ADAM10: variants seen among roughly 807,000 people sequenced by gnomAD.
ADAM10 encodes disintegrin and metalloproteinase domain-containing protein 10.
ADAM10 carries 17 observed loss-of-function variants against 90.1 expected under a neutral mutation model. That is an observed-to-expected ratio of 0.19 (90% CI 0.13 to 0.28). The LOEUF (loss-of-function observed/expected upper bound fraction) is 0.28. ADAM10 is among the 10% of genes least tolerant of loss of function. The pLI is 1.00. For synonymous variants in ADAM10, 310 were observed against 298.6 expected, an observed-to-expected ratio of 1.04 and a Z score of -0.40; for missense variants, 610 against 914.3, an observed-to-expected ratio of 0.67 and a Z score of 4.29.
chr15:58,610,764 T>C lies in ADAM10; in HGVS notation c.1804+235A>G, dbSNP rs1322303605. ...ATGACTTAAAGTCTAACAGTGTTTA[T>C]GTAAATTACTGCTGTAAAGCTGGCA... On this transcript the variant is annotated intron_variant, in intron 13 of 15. Transcript: ENST00000260408. 18 of 633,094 alleles carry C rather than the reference T, an allele frequency of 2.8e-5. No individual in the cohort carries two copies. The East Asian group carries it at 4.4e-4, about 15-fold the overall frequency. The allele number at this position is 633,094 out of a possible 1,614,324, so 39.2% of individuals were successfully genotyped here.
chr15:58,623,492 T>C (rs901607055), intron 10 of ADAM10, among the ~76,000 whole-genome samples: 2 of 152,232 alleles, frequency 1.3e-5, no homozygotes, highest in Non-Finnish European at 2.9e-5. Flanking sequence ...TGTTTCACTT[T>C]AAACCATCTC....
At chr15:58,698,406 TA>T (rs56797082) in intron 2 of ADAM10, 8,438 of 200,552 alleles carry the variant, frequency 0.042, no homozygotes, top group South Asian at 0.077. Flanking sequence ...ACCCCATCTC[TA>T]AAAAAAAAAA....
At chr15:58,731,943 A>ATAGG (rs1408615637) in intron 1 of ADAM10, among the ~76,000 whole-genome samples, 3 of 152,224 alleles carry the variant, frequency 2.0e-5, no homozygotes, top group African/African-American at 2.4e-5. Flanking sequence ...GTTCACTGTA[A>ATAGG]CCTAGACCAG....
intron 11 of ADAM10, among the ~76,000 whole-genome samples, chr15:58,612,376 G>T (rs1179896209): frequency 1.3e-5 from 2 of 152,110 alleles, no homozygotes; most frequent in Non-Finnish European, 2.9e-5. Flanking sequence ...AATATCAGTG[G>T]CTGAACTGGG....
chr15:58,683,777 T>C (rs1333954007), intron 2 of ADAM10, among the ~76,000 whole-genome samples: 1 of 145,944 alleles, frequency 6.9e-6, no homozygotes, highest in Non-Finnish European at 1.5e-5. Context: ...AGAGAACTGC[T>C]TGAATCTGGG....
chr15:58,597,226 G>T lies in ADAM10; in HGVS notation c.*321C>A, dbSNP rs1438444037. On this transcript the variant is annotated 3_prime_UTR_variant, in exon 16 of 16. Transcript: ENST00000260408. Reference sequence around the variant, plus strand: ...TAAAAGTTTATTGAGAGCCAAGTTTGCCTGCAAGTGAAGAAAATGCAGCAA... The same window carrying T: ...TAAAAGTTTATTGAGAGCCAAGTTTTCCTGCAAGTGAAGAAAATGCAGCAA... The T allele has an allele frequency of 2.8e-6, 2 of 724,166 alleles. No individual in the cohort carries two copies. 44.9% of individuals were successfully genotyped at this position (724,166 alleles called of 1,614,324 possible).
rs552620028 is a variant in ADAM10, at chr15:58,603,208, C to T, written c.2026-3484G>A. Among the ~76,000 whole-genome samples the T allele has an allele frequency of 2.0e-5, 3 of 152,190 alleles. No homozygotes were observed. In the South Asian group the frequency reaches 6.2e-4, roughly 32 times the overall value. ...CTTTATTATATAGGTATTCCATAGA[C>T]TCCTATTGTTTTTTGTTTTTATTCA... On this transcript the variant is annotated intron_variant, in intron 14 of 15. Coordinates refer to ENST00000260408, the MANE Select transcript of ADAM10 (RefSeq NM_001110.4).
chr15:58,707,008 CA>C (rs796234312), intron 2 of ADAM10, among the ~76,000 whole-genome samples: 369 of 41,784 alleles, frequency 8.8e-3, no homozygotes, highest in African/African-American at 0.024. Context: ...GACTCCATCT[CA>C]AAAAAAAAAA....
intron 1 of ADAM10, chr15:58,747,459 T>C (rs1024315644): frequency 7.9e-5 from 12 of 152,350 alleles, no homozygotes; most frequent in Middle Eastern, 6.8e-3. Context: ...TTCTCTCATA[T>C]GCTAAAACAA....
chr15:58,605,879 C>A (rs745469806), intron 14 of ADAM10, among the ~76,000 whole-genome samples: 2 of 151,974 alleles, frequency 1.3e-5, no homozygotes, highest in Non-Finnish European at 2.9e-5. Context: ...GTATTAATTA[C>A]AATAGTATTT....
chr15:58,749,626 GC>G lies in ADAM10; in HGVS notation c.-93del. ...AGAAGCTGAAGGGGCTTGGTCCGGA[GC>G]CTCCACGGGAAGCCGGGACCTCCCC... On this transcript the variant is annotated 5_prime_UTR_variant, in exon 1 of 16. Transcript: ENST00000260408. The G allele has an allele frequency of 2.6e-6, 4 of 1,536,652 alleles. No individual in the cohort carries two copies. The highest frequency in any genetic ancestry group is 3.5e-6 in the Non-Finnish European group (4 of 1,138,086).
At chr15:58,661,181 A>C (rs997537652) in intron 5 of ADAM10, among the ~76,000 whole-genome samples, 5 of 152,222 alleles carry the variant, frequency 3.3e-5, no homozygotes, top group Admixed American at 6.5e-5. Context: ...GACTTAGGTA[A>C]TAATCTCTTG....
Position 58,717,705 on chromosome 15 carries a change from A to G in ADAM10, c.78T>C (p.Asn26=). The G allele has an allele frequency of 6.2e-7, 1 of 1,613,002 alleles. No homozygotes were observed. Among genetic ancestry groups the G allele is most frequent in the South Asian group, 1.1e-5 (1 of 91,004 alleles). The change falls in exon 2 of 16, where the codon AAT becomes AAC. Residue 26 remains asparagine, a synonymous_variant. Coordinates refer to ENST00000260408, the MANE Select transcript of ADAM10 (RefSeq NM_001110.4). ...GMGGQYGNPL[N]KYIRHYEGLS... ...ATCCTTCATAATGTCTGATATATTT[A>G]TTTAAAGGATTCCCATACTGACCTA...
chr15:58,674,869 G>GT (rs1306910957), intron 4 of ADAM10, among the ~76,000 whole-genome samples: 3 of 152,202 alleles, frequency 2.0e-5, no homozygotes, highest in African/African-American at 7.2e-5. Context: ...ACATTCTAAA[G>GT]TAGGGGTGCC....
intron 1 of ADAM10, among the ~76,000 whole-genome samples, chr15:58,719,329 A>T (rs1455984133): frequency 1.6e-5 from 2 of 128,400 alleles, no homozygotes; most frequent in African/African-American, 8.8e-5. Context: ...CGTCTCAAAG[A>T]AAAAAAAAAA....
At chr15:58,693,116 T>C (rs748176446) in intron 2 of ADAM10, 9 of 739,506 alleles carry the variant, frequency 1.2e-5, no homozygotes, top group South Asian at 1.2e-4. Context: ...GTATTGATTA[T>C]GAGAGACATG....
At chr15:58,655,204 C>A (rs1197042460) in intron 5 of ADAM10, 2 of 151,844 alleles carry the variant, frequency 1.3e-5, no homozygotes, top group Non-Finnish European at 2.9e-5. Flanking sequence ...ACGTATTAGG[C>A]CATTTTTGCG....
intron 1 of ADAM10, among the ~76,000 whole-genome samples, chr15:58,725,194 A>AAAAT (rs1438970098): frequency 6.6e-5 from 10 of 152,166 alleles, no homozygotes; most frequent in African/African-American, 1.7e-4. Context: ...TGTCTCAAAC[A>AAAAT]AAATAAATAA....
intron 2 of ADAM10, among the ~76,000 whole-genome samples, chr15:58,710,751 A>G (rs1898447779): frequency 6.6e-6 from 1 of 152,194 alleles, no homozygotes; most frequent in African/African-American, 2.4e-5. Flanking sequence ...CATCTATAAC[A>G]ATAGTATTTT....
Sources: gnomAD v4.1 joint callset for allele counts (sites outside exome capture counted in the v4.1 genomes callset) on GRCh38, gnomAD v4.1.1 for gene constraint, MANE v1.5 for transcripts, NCBI Gene and HGNC (gene_info 2026-07-23, HGNC 2026-07-21) for gene names.